Variants in COL4A2 observed in about 807,000 individuals in gnomAD.
The protein encoded by COL4A2 is collagen alpha-2(IV) chain.
In COL4A2, 99 loss-of-function variants were observed where a neutral mutation model predicts 200.2. The ratio of observed to expected loss-of-function variants is 0.49; its 90% CI spans 0.42 to 0.58. The LOEUF (loss-of-function observed/expected upper bound fraction) is 0.58, where lower values mean the gene tolerates loss of function less well. Among genes scored for constraint, COL4A2 ranks in the 20% least tolerant of loss-of-function variants. COL4A2 has a pLI of 0.00. For synonymous variants in COL4A2, 897 were observed against 900.6 expected (o/e 1.00, Z 0.07); for missense variants, 1,950 against 2,314.1 (o/e 0.84, Z 3.23).
chr13:110,480,484 C>T (rs1882862220), intron 31 of COL4A2, 94 bp downstream of exon 31: 14 of 1,341,174 alleles, frequency 1.0e-5, no homozygotes, highest in South Asian at 4.6e-5. Flanking sequence ...CCTCTGTGGG[C>T]CGTGGGGCTG....
chr13:110,476,292 C>T (rs1391182712), intron 29 of COL4A2, among the ~76,000 whole-genome samples: 1 of 152,230 alleles, frequency 6.6e-6, no homozygotes, highest in East Asian at 1.9e-4. Flanking sequence ...ACTAACAATC[C>T]ATTTCCCCTG....
chr13:110,467,216 C>T, intron 27 of COL4A2, 120 bp downstream of exon 27: 2 of 1,324,320 alleles, frequency 1.5e-6, no homozygotes, highest in Non-Finnish European at 1.0e-6. Context: ...ATGGTCGTGT[C>T]CAGCATCTCA....
chr13:110,492,748 G>A lies in COL4A2; in HGVS notation c.3563-463G>A, dbSNP rs1883325336. On this transcript the variant is annotated intron_variant, in intron 38 of 47. Transcript: ENST00000360467. The stretch of plus-strand genomic sequence containing the variant: ...GGCGAGGCGTCAAGAAGAGGCATGG[G>A]ACATGTCACTCCCCAGGCCCCTTCT... Among the ~76,000 whole-genome samples, 3 of 152,214 alleles carry A rather than the reference G, an allele frequency of 2.0e-5. 1 individual carries two copies. In the South Asian group the frequency reaches 6.2e-4, roughly 31 times the overall value.
chr13:110,311,217 G>A (rs1381243963), intron 3 of COL4A2, among the ~76,000 whole-genome samples: 1 of 152,216 alleles, frequency 6.6e-6, no homozygotes, highest in Non-Finnish European at 1.5e-5. Flanking sequence ...GGGAGGAAAG[G>A]AAGCCGAAAT....
chr13:110,443,318 G>C (rs1041210247), intron 16 of COL4A2, among the ~76,000 whole-genome samples: 1 of 152,124 alleles, frequency 6.6e-6, no homozygotes, highest in Non-Finnish European at 1.5e-5. Flanking sequence ...AAAGATAACA[G>C]GCCAGTTCAC....
chr13:110,448,179 C>A (rs1422884565), intron 18 of COL4A2, among the ~76,000 whole-genome samples: 1 of 152,144 alleles, frequency 6.6e-6, no homozygotes, highest in Admixed American at 6.5e-5. Context: ...TGACTTGACT[C>A]ATTATTAATA....
At position 110,477,990 on chromosome 13, in the gene COL4A2, C is replaced by CT; in HGVS notation, c.2426-12dup. On this transcript the variant is annotated splice_polypyrimidine_tract_variant and intron_variant, in intron 29 of 47. Transcript: ENST00000360467. ...GAGTTGGCCCCCACAGCTCTTGTCT[C>CT]TGATTCCTGCAGGAAGCCAAGGGAT... is the stretch of plus-strand genomic sequence containing the variant. 6.5e-7 allele frequency: 1 copy of CT among 1,543,720 alleles called. No individual in the cohort carries two copies. The highest frequency in any genetic ancestry group is 2.0e-5 in the Admixed American group (1 of 50,638).
At chr13:110,487,368 G>T (rs556449484) in intron 34 of COL4A2, among the ~76,000 whole-genome samples, 6 of 152,304 alleles carry the variant, frequency 3.9e-5, no homozygotes, top group South Asian at 2.1e-4. Flanking sequence ...CGGAAGAATC[G>T]CTGGAACCCA....
rs1399622698 is a variant in COL4A2 at position 110,512,597 on chromosome 13, G to A, written c.*406G>A. On this transcript the variant is annotated 3_prime_UTR_variant, in exon 48 of 48. Coordinates refer to ENST00000360467, the MANE Select transcript of COL4A2 (RefSeq NM_001846.4). The stretch of plus-strand genomic sequence containing the variant: ...CAGCCAGCCGTGGCCAGAGGCTCGA[G>A]GGGCTCAGGGCCTCAGGCACCCGTC... 1 of 195,970 alleles carries A rather than the reference G, an allele frequency of 5.1e-6. No homozygotes were observed. Among genetic ancestry groups the A allele is most frequent in the African/African-American group, 2.4e-5 (1 of 42,248 alleles). The allele number at this position is 195,970 out of a possible 1,614,324, so 12.1% of individuals were successfully genotyped here.
At chr13:110,311,277 T>C (rs1246195452) in intron 3 of COL4A2, among the ~76,000 whole-genome samples, 2 of 152,182 alleles carry the variant, frequency 1.3e-5, no homozygotes, top group African/African-American at 4.8e-5. Context: ...AGGTGATCTG[T>C]GTGGGCACCT....
Position 110,307,496 on chromosome 13 carries a change from G to A in COL4A2, c.-77G>A, listed in dbSNP as rs547827059. Reference sequence around the variant, plus strand: ...CGGGTGCTTCTGGAAGGGCCAATGCGTTCGGGCAGCAGCCCCTGAAGCCGA... The same window carrying A: ...CGGGTGCTTCTGGAAGGGCCAATGCATTCGGGCAGCAGCCCCTGAAGCCGA... On this transcript the variant is annotated 5_prime_UTR_variant, in exon 1 of 48. Coordinates refer to ENST00000360467, the MANE Select transcript of COL4A2 (RefSeq NM_001846.4). This position sits in a 1 kb window ranked among gnomAD's most constrained non-coding sequence, Gnocchi z 5.0. The A allele has an allele frequency of 1.9e-4, 45 of 235,682 alleles. No homozygotes were observed. The Middle Eastern group carries it at 3.7e-3, about 19-fold the overall frequency. 14.6% of individuals were successfully genotyped at this position (235,682 alleles called of 1,614,324 possible).
intron 22 of COL4A2, among the ~76,000 whole-genome samples, chr13:110,461,828 C>T (rs1267807767): frequency 6.6e-6 from 1 of 152,210 alleles, no homozygotes; most frequent in Non-Finnish European, 1.5e-5. Context: ...AATCACCGCG[C>T]CCGGCCACAT....
chr13:110,417,396 G>T (rs1393534526), intron 4 of COL4A2, among the ~76,000 whole-genome samples: 1 of 152,084 alleles, frequency 6.6e-6, no homozygotes, highest in African/African-American at 2.4e-5. Context: ...ACATAATCTC[G>T]GTCGCCGGGC....
intron 4 of COL4A2, among the ~76,000 whole-genome samples, chr13:110,366,358 C>T (rs762823925): frequency 1.3e-5 from 2 of 152,200 alleles, no homozygotes; most frequent in African/African-American, 2.4e-5. Flanking sequence ...CGTCCACAGT[C>T]AGTCTTCCCA....
At chr13:110,449,427 T>C (rs1881446548) in intron 18 of COL4A2, among the ~76,000 whole-genome samples, 1 of 152,142 alleles carries the variant, frequency 6.6e-6, no homozygotes, top group Non-Finnish European at 1.5e-5. Context: ...GGCAACCACA[T>C]TAGTTCCTTC....
intron 43 of COL4A2, 70 bp downstream of exon 43, chr13:110,503,551 G>A (rs1883727625): frequency 1.1e-6 from 1 of 936,914 alleles, no homozygotes; most frequent in African/African-American, 1.7e-5. Flanking sequence ...GGACATCCTG[G>A]AGGTCAAACG....
In COL4A2 at chr13:110,511,908, C is replaced by T. The variant is rs997172533; in HGVS notation, c.4882-26C>T. 3.1e-6 allele frequency: 5 copies of T among 1,613,024 alleles called. No individual in the cohort carries two copies. In the South Asian group the frequency reaches 5.5e-5, roughly 18 times the overall value. On this transcript the variant is annotated intron_variant, in intron 47 of 47. Transcript: ENST00000360467. ...CCACCTGCAGGCTGTGATTCCTAACCCTGTCCTGCCCCCCTCTCTGTGCAG... is the reference window on the plus strand; with the variant it reads ...CCACCTGCAGGCTGTGATTCCTAACTCTGTCCTGCCCCCCTCTCTGTGCAG...
chr13:110,493,525 G>T (rs184862022), intron 39 of COL4A2, among the ~76,000 whole-genome samples: 2 of 152,300 alleles, frequency 1.3e-5, no homozygotes, highest in African/African-American at 4.8e-5. Flanking sequence ...GACTCATCAG[G>T]CTTTTAGACG....
intron 3 of COL4A2, among the ~76,000 whole-genome samples, chr13:110,309,563 C>T (rs1021081268): frequency 2.6e-5 from 4 of 152,210 alleles, no homozygotes; most frequent in Admixed American, 2.6e-4. Context: ...GCCACCTGCA[C>T]CCCTTTGTCC....
Sources: gnomAD v4.1 joint callset for allele counts (sites outside exome capture counted in the v4.1 genomes callset) on GRCh38, gnomAD v4.1.1 for gene constraint, Gnocchi (gnomAD v3.1) non-coding constraint, MANE v1.5 for transcripts, NCBI Gene and HGNC (gene_info 2026-07-23, HGNC 2026-07-21) for gene names.